The following VPS13D variants were observed in gnomAD, a reference collection of about 807,000 sequenced individuals.
VPS13D encodes the protein intermembrane lipid transfer protein VPS13D.
Under a neutral mutation model 461.9 loss-of-function variants are expected in VPS13D, and 187 were observed. That is an observed-to-expected ratio of 0.40 (90% confidence interval 0.36 to 0.46). The LOEUF (loss-of-function observed/expected upper bound fraction) is 0.46, where lower values mean the gene tolerates loss of function less well. Among genes scored for constraint, VPS13D ranks in the 20% least tolerant of loss-of-function variants. The probability of loss-of-function intolerance (pLI) is 0.60; values close to 1 mark genes in which losing one functional copy is unlikely to be tolerated. For missense variants in VPS13D, 4,711 were observed against 5,364.9 expected (o/e 0.88, Z 3.81); for synonymous variants, 1,951 against 1,986.3 (o/e 0.98, Z 0.47).
intron 14 of VPS13D, 96 bp downstream of exon 14, chr1:12,267,107 C>T (rs1410866408): frequency 3.1e-6 from 4 of 1,279,476 alleles, no homozygotes; most frequent in Non-Finnish European, 4.1e-6. Context: ...GACATTTGAT[C>T]ATCTTGAGAC....
intron 38 of VPS13D, 95 bp downstream of exon 38, chr1:12,333,461 C>A: frequency 6.8e-7 from 1 of 1,460,302 alleles, no homozygotes. Flanking sequence ...AATACCTGGG[C>A]CTGTACCAGG....
intron 18 of VPS13D, among the ~76,000 whole-genome samples, chr1:12,274,260 C>T (rs1442631436): frequency 3.3e-5 from 5 of 152,188 alleles, no homozygotes; most frequent in Admixed American, 2.6e-4. Flanking sequence ...AGTCTGGTCT[C>T]AACTCCTGGC....
intron 51 of VPS13D, 55 bp downstream of exon 51, chr1:12,362,905 A>C (rs1643971832): frequency 5.0e-6 from 8 of 1,610,310 alleles, no homozygotes; most frequent in Middle Eastern, 1.6e-4. Context: ...ACGAGTTTTA[A>C]TGTCATCTTC....
intron 22 of VPS13D, among the ~76,000 whole-genome samples, chr1:12,289,765 A>C (rs926166366): frequency 1.1e-4 from 17 of 152,112 alleles, no homozygotes; most frequent in Non-Finnish European, 2.5e-4. Context: ...GTGAGACCTC[A>C]TCTCTACAAA....
chr1:12,256,639 G>C, intron 8 of VPS13D, 136 bp downstream of exon 8: 1 of 960,634 alleles, frequency 1.0e-6, no homozygotes, highest in African/African-American at 1.7e-5. Flanking sequence ...GTTGTGTTAG[G>C]TATAAAACTC....
chr1:12,301,094 T>C (rs188030557), intron 25 of VPS13D, among the ~76,000 whole-genome samples: 1 of 152,336 alleles, frequency 6.6e-6, no homozygotes, highest in Admixed American at 6.5e-5. Flanking sequence ...TAGCTGCCAT[T>C]TGCTGAATGC....
At position 12,386,245 on chromosome 1, in the gene VPS13D, C is replaced by T. The variant is rs1644349488; in HGVS notation, c.11545C>T (p.Leu3849=). 1 of 1,613,714 alleles carries T rather than the reference C, an allele frequency of 6.2e-7. No homozygotes were observed. The highest frequency in any genetic ancestry group is 8.5e-7 in the Non-Finnish European group (1 of 1,179,864). ...CTTAATTAATAAAGTCCCAGAAGAACTGGTCTTTGCAAGTCTTACAGGAAT... is the reference window on the plus strand; with the variant it reads ...CTTAATTAATAAAGTCCCAGAAGAATTGGTCTTTGCAAGTCTTACAGGAAT... ...LSLINKVPEE[L]VFASLTGINV... Residue 3849 remains leucine, a synonymous_variant, in exon 60 of 70, where the codon CTG becomes TTG. Coordinates refer to ENST00000620676, the MANE Select transcript of VPS13D (RefSeq NM_015378.4).
intron 2 of VPS13D, among the ~76,000 whole-genome samples, chr1:12,238,465 C>CA (rs1246205090): frequency 6.6e-6 from 1 of 151,408 alleles, no homozygotes; most frequent in African/African-American, 2.4e-5. Context: ...AATAAAATTA[C>CA]AAAAAAATTT....
At chr1:12,302,280 C>G (rs764427084) in intron 25 of VPS13D, among the ~76,000 whole-genome samples, 19 of 152,102 alleles carry the variant, frequency 1.2e-4, no homozygotes, top group Non-Finnish European at 2.4e-4. Context: ...TACTTTGAGG[C>G]CATACTAAAA....
At chr1:12,434,612 C>A (rs958882832) in intron 65 of VPS13D, among the ~76,000 whole-genome samples, 2 of 152,034 alleles carry the variant, frequency 1.3e-5, no homozygotes, top group Non-Finnish European at 2.9e-5. Flanking sequence ...CCCCAGTAAG[C>A]AGCAAACTAA....
At chr1:12,449,886 G>A (rs1645239707) in intron 65 of VPS13D, among the ~76,000 whole-genome samples, 1 of 152,102 alleles carries the variant, frequency 6.6e-6, no homozygotes. Flanking sequence ...GCACCTCGTG[G>A]GGCCGAGGTA....
intron 65 of VPS13D, among the ~76,000 whole-genome samples, chr1:12,422,279 T>C (rs1644874157): frequency 6.6e-6 from 1 of 152,190 alleles, no homozygotes; most frequent in African/African-American, 2.4e-5. Flanking sequence ...TTCATAGTGG[T>C]TATTTGCTAT....
chr1:12,353,435 AG>A (rs1437300975), intron 46 of VPS13D, among the ~76,000 whole-genome samples: 3 of 147,120 alleles, frequency 2.0e-5, no homozygotes, highest in Middle Eastern at 3.3e-3. Flanking sequence ...CGGAAGGCTG[AG>A]GCTGAAGAAT....
chr1:12,486,592 G>T (rs535475672), intron 67 of VPS13D, among the ~76,000 whole-genome samples: 1 of 152,206 alleles, frequency 6.6e-6, no homozygotes, highest in African/African-American at 2.4e-5. Flanking sequence ...CAGCTCTCCA[G>T]TTGCCCTCTG....
At chr1:12,319,255 A>G (rs1189479902) in intron 31 of VPS13D, among the ~76,000 whole-genome samples, 1 of 152,226 alleles carries the variant, frequency 6.6e-6, no homozygotes, top group East Asian at 1.9e-4. Context: ...TATTCTAAAG[A>G]GAGAAATCAC....
At chr1:12,295,231 A>AC (rs1409181283) in intron 24 of VPS13D, among the ~76,000 whole-genome samples, 1 of 151,596 alleles carries the variant, frequency 6.6e-6, no homozygotes, top group Non-Finnish European at 1.5e-5. Flanking sequence ...TCAAAAAAAA[A>AC]AAAAAAAAAC....
At chr1:12,461,527 T>G (rs1645412679) in intron 67 of VPS13D, among the ~76,000 whole-genome samples, 1 of 152,158 alleles carries the variant, frequency 6.6e-6, no homozygotes, top group Admixed American at 6.5e-5. Context: ...AAACAATCCT[T>G]GAGTATATTT....
At chr1:12,348,403 T>A (rs1301358473) in intron 44 of VPS13D, among the ~76,000 whole-genome samples, 1 of 152,256 alleles carries the variant, frequency 6.6e-6, no homozygotes. Flanking sequence ...CAAGCCTTTT[T>A]CAGTTTCGTT....
At chr1:12,358,307 C>T in intron 49 of VPS13D, 152 bp from the exon 50 acceptor site, 1 of 1,061,494 alleles carries the variant, frequency 9.4e-7, no homozygotes, top group Admixed American at 2.9e-5. Context: ...TGAATTTTGT[C>T]ACTGTGCTAG....
Sources: allele counts gnomAD v4.1 joint callset (sites outside exome capture counted in the v4.1 genomes callset), GRCh38; gene constraint gnomAD v4.1.1; transcripts MANE v1.5; gene names NCBI Gene and HGNC (gene_info 2026-07-23, HGNC 2026-07-21).